The following LDB1 variants were observed in gnomAD, a reference collection of about 807,000 sequenced individuals.
LDB1 encodes the protein LIM domain-binding protein 1.
Under a neutral mutation model 49.7 loss-of-function variants are expected in LDB1, and 6 were observed. That is an observed-to-expected ratio of 0.12 (90% confidence interval 0.07 to 0.24). LDB1 has a LOEUF of 0.24. Among genes scored for constraint, LDB1 ranks in the 10% least tolerant of loss-of-function variants. The pLI is 1.00. For missense variants in LDB1, 341 were observed against 561.7 expected, an observed-to-expected ratio of 0.61 and a Z score of 3.97; for synonymous variants, 233 against 202.0, an observed-to-expected ratio of 1.15 and a Z score of -1.30.
At chr10:102,114,795 G>T in intron 1 of LDB1, 2 of 978,448 alleles carry the variant, frequency 2.0e-6, no homozygotes, top group Non-Finnish European at 2.4e-6. Flanking sequence ...GCCTCTTGCT[G>T]CCTCTGCCTC....
chr10:102,120,614 G>A (rs2068407684), upstream of LDB1, among the ~76,000 whole-genome samples: 1 of 151,886 alleles, frequency 6.6e-6, no homozygotes, highest in Admixed American at 6.5e-5. Flanking sequence ...CCGCGCGGCG[G>A]GCGGGCGGCG....
intron 6 of LDB1, 187 bp downstream of exon 6, chr10:102,110,342 G>T: frequency 1.5e-6 from 1 of 665,638 alleles, no homozygotes; most frequent in Non-Finnish European, 2.5e-6. Flanking sequence ...TAGCCTTGGG[G>T]CCCAGAAAAC....
intron 1 of LDB1, chr10:102,114,266 G>A: frequency 1.1e-6 from 1 of 880,122 alleles, no homozygotes; most frequent in South Asian, 5.2e-5. Flanking sequence ...TCCCTTTAGG[G>A]ACTGGCCACA....
At chr10:102,110,101 G>A (rs2068229726) in intron 6 of LDB1, 58 bp from the exon 7 acceptor site, 2 of 1,546,442 alleles carry the variant, frequency 1.3e-6, no homozygotes, top group African/African-American at 1.4e-5. Flanking sequence ...CTGAAGGTAT[G>A]TCTATTACAG....
chr10:102,119,994 GC>G, intron 1 of LDB1, 91 bp downstream of exon 1: 5 of 1,004,470 alleles, frequency 5.0e-6, no homozygotes, highest in South Asian at 3.8e-5. Flanking sequence ...TGCCATCGAC[GC>G]CCCCCACACA....
downstream of LDB1, among the ~76,000 whole-genome samples, chr10:102,103,036 A>G (rs1184144072): frequency 6.6e-6 from 1 of 152,086 alleles, no homozygotes; most frequent in Non-Finnish European, 1.5e-5. Flanking sequence ...CTGACTCAAT[A>G]TATATATATT....
chr10:102,111,567 G>A (rs746575931), intron 1 of LDB1, 31 bp from the exon 2 acceptor site: 1 of 1,358,040 alleles, frequency 7.4e-7, no homozygotes, highest in South Asian at 1.4e-5. Flanking sequence ...TCATAGCTGG[G>A]CGCGGTGGCT....
chr10:102,109,340 G>T lies in LDB1; in HGVS notation c.856+44C>A. On this transcript the variant is annotated intron_variant, in intron 9 of 10. Coordinates refer to ENST00000673968, the MANE Select transcript of LDB1 (RefSeq NM_001113407.3). The surrounding 1 kb of genome is among the most constrained non-coding windows in gnomAD (Gnocchi z 5.8). Reference sequence around the variant, plus strand: ...AAAGGAAATAAAGATACAGCTTTGGGGAGCGGTGTGAGATCCTGGTAAGAG... The same window carrying T: ...AAAGGAAATAAAGATACAGCTTTGGTGAGCGGTGTGAGATCCTGGTAAGAG... 2 of 1,612,548 alleles carry T rather than the reference G, an allele frequency of 1.2e-6. No homozygotes were observed. The highest frequency in any genetic ancestry group is 1.7e-6 in the Non-Finnish European group (2 of 1,179,500).
chr10:102,110,102 TCTATTACA>T, intron 6 of LDB1, 59 bp from the exon 7 acceptor site: 2 of 1,545,838 alleles, frequency 1.3e-6, no homozygotes, highest in Non-Finnish European at 1.8e-6. Context: ...TGAAGGTATG[TCTATTACA>T]GTCTCCCATT....
chr10:102,109,666 C>A lies in LDB1; in HGVS notation c.666G>T (p.Met222Ile), dbSNP rs147037173. 1 of 1,613,982 alleles carries A rather than the reference C, an allele frequency of 6.2e-7. No homozygotes were observed. The highest frequency in any genetic ancestry group is 1.3e-5 in the African/African-American group (1 of 74,882). Residue 222 changes from methionine (M) to isoleucine (I), a missense_variant, in exon 8 of 11, where the codon ATG (methionine) becomes ATT (isoleucine). By Grantham distance (10) the Met-to-Ile change is conservative (BLOSUM62 1). This residue lies in a region of LDB1 where 233 missense variants were observed against 385.7 expected (regional missense o/e 0.60). Coordinates refer to ENST00000673968, the MANE Select transcript of LDB1 (RefSeq NM_001113407.3). This position sits in a 1 kb window ranked among gnomAD's most constrained non-coding sequence, Gnocchi z 5.8. ...ILAMHAQDPQMLDQLSKNITR... is the reference protein window; with the variant it reads ...ILAMHAQDPQILDQLSKNITR... ...TGATGTTTTTGGAGAGCTGATCCAA[C>A]ATCTGGGGGTCTTGGGCCTAGAGTG...
chr10:102,106,126 C>T (rs985891189), downstream of LDB1, among the ~76,000 whole-genome samples: 22 of 152,128 alleles, frequency 1.4e-4, no homozygotes, highest in African/African-American at 4.6e-4. Context: ...CCACCCCTCC[C>T]TCAACGGCAT....
At chr10:102,103,973 G>T (rs1188108817), downstream of LDB1, among the ~76,000 whole-genome samples, 2 of 151,022 alleles carry the variant, frequency 1.3e-5, no homozygotes, top group African/African-American at 2.4e-5. Context: ...GGACGCATGA[G>T]AATCATTTGA....
chr10:102,112,639 A>AGAAACCCAAAGCCTCAACCCC (rs1178418201), intron 1 of LDB1, among the ~76,000 whole-genome samples: 1 of 144,876 alleles, frequency 6.9e-6, no homozygotes, highest in Admixed American at 7.1e-5. Context: ...TCTCCAAACC[A>AGAAACCCAAAGCCTCAACCCC]GAAACCCAAA....
Position 102,109,929 on chromosome 10 carries a change from C to G in LDB1, c.640G>C (p.Ala214Pro), listed in dbSNP as rs1413778386. ...HRELIPRSIL[A>P]MHAQDPQMLD... is the part of the protein sequence containing the mutation. ...TCCTGCCCACGACTCACATGCATGG[C>G]AAGGATGCTGCGGGGGATGAGCTCT... is the stretch of plus-strand genomic sequence containing the variant. The change falls in exon 7 of 11, where the codon GCC becomes CCC. Residue 214 changes from alanine (A) to proline (P), a missense_variant. Transcript: ENST00000673968. The surrounding 1 kb of genome is among the most constrained non-coding windows in gnomAD (Gnocchi z 5.8). 5.0e-6 allele frequency: 8 copies of G among 1,609,332 alleles called. No individual in the cohort carries two copies. Among genetic ancestry groups the G allele is most frequent in the Non-Finnish European group, 6.8e-6 (8 of 1,179,578 alleles).
Position 102,108,054 on chromosome 10 carries a change from G to T in LDB1, c.*39C>A, listed in dbSNP as rs918556264. ...GCTCCCTGGGGCTGTGAGGGGTGGG[G>T]CAGGTAGGCAGAGCACTGGGTGGCC... On this transcript the variant is annotated 3_prime_UTR_variant, in exon 11 of 11. Transcript: ENST00000673968. 1 of 1,464,770 alleles carries T rather than the reference G, an allele frequency of 6.8e-7. No homozygotes were observed. Among genetic ancestry groups the T allele is most frequent in the Non-Finnish European group, 9.6e-7 (1 of 1,046,956 alleles). 90.7% of individuals were successfully genotyped at this position (1,464,770 alleles called of 1,614,324 possible). A position where few individuals can be genotyped will look rare whatever the true frequency, so the allele number is the denominator to read the frequency against.
chr10:102,108,982 T>A (rs1180468362), intron 10 of LDB1, 47 bp downstream of exon 10: 2 of 1,613,230 alleles, frequency 1.2e-6, no homozygotes, highest in African/African-American at 1.3e-5. Context: ...GGGTCAGGGG[T>A]GAGTGGTGGG....
chr10:102,111,366 C>T (rs2068250720), intron 2 of LDB1, 66 bp from the exon 3 acceptor site: 1 of 1,599,068 alleles, frequency 6.3e-7, no homozygotes, highest in Non-Finnish European at 8.6e-7. Context: ...CAGGGGGCTA[C>T]TCCCTCCCCT....
In LDB1 at chr10:102,109,727, T is replaced by C. The variant is rs939646772; in HGVS notation, c.649-44A>G. 6.3e-7 allele frequency: 1 copy of C among 1,596,248 alleles called. No homozygotes were observed. Among genetic ancestry groups the C allele is most frequent in the Non-Finnish European group, 8.6e-7 (1 of 1,164,088 alleles). ...CAAGAAAGAACACTGACACCTGGGT[T>C]GCCTCTGCTCACCTGCCCTATCATC... On this transcript the variant is annotated intron_variant, in intron 7 of 10. Transcript: ENST00000673968. This position sits in a 1 kb window ranked among gnomAD's most constrained non-coding sequence, Gnocchi z 5.8.
intron 1 of LDB1, chr10:102,114,347 G>C (rs2068300573): frequency 1.0e-6 from 1 of 986,206 alleles, no homozygotes; most frequent in Admixed American, 6.1e-5. Context: ...GATCAGGCCC[G>C]GGCCGGGCTG....
Sources: allele counts gnomAD v4.1 joint callset (sites outside exome capture counted in the v4.1 genomes callset), GRCh38; gene constraint gnomAD v4.1.1; regional missense constraint gnomAD v4.1.1; non-coding constraint Gnocchi (gnomAD v3.1); transcripts MANE v1.5; gene names NCBI Gene and HGNC (gene_info 2026-07-23, HGNC 2026-07-21).